The following SYK variants were observed in gnomAD, a reference collection of about 807,000 sequenced individuals.
SYK encodes spleen associated tyrosine kinase.
In SYK, 16 loss-of-function variants were observed where a neutral mutation model predicts 77.8. That is an observed-to-expected ratio of 0.21 (90% CI 0.14 to 0.31). The LOEUF is 0.31. Ranked by LOEUF, SYK falls within the 10% of genes least tolerant of loss-of-function variation. SYK has a pLI of 1.00. For missense variants in SYK, 529 were observed against 814.4 expected (o/e 0.65, Z 4.26); for synonymous variants, 312 against 308.7 (o/e 1.01, Z -0.11).
chr9:90,835,515 C>A (rs1826042325), intron 1 of SYK, among the ~76,000 whole-genome samples: 1 of 152,196 alleles, frequency 6.6e-6, no homozygotes, highest in Non-Finnish European at 1.5e-5. Flanking sequence ...CAAGAGCAAG[C>A]ATTTGCAGGT....
intron 11 of SYK, among the ~76,000 whole-genome samples, chr9:90,884,846 C>CACATATGTGTACATACACATAT (rs1828465765): frequency 6.6e-5 from 1 of 15,134 alleles, no homozygotes; most frequent in African/African-American, 6.7e-4. Context: ...TATACATATA[C>CACATATGTGTACATACACATAT]ACACATATGT....
At chr9:90,876,469 A>T (rs1381714411) in intron 9 of SYK, among the ~76,000 whole-genome samples, 4 of 152,196 alleles carry the variant, frequency 2.6e-5, no homozygotes, top group Non-Finnish European at 5.9e-5. Flanking sequence ...ACATATATAC[A>T]CACACAATCA....
rs572459570 is a variant in SYK at position 90,805,319 on chromosome 9, T to C, written c.-42+3426T>C. Among the ~76,000 whole-genome samples, 9 of 152,310 alleles carry C rather than the reference T, an allele frequency of 5.9e-5. No homozygotes were observed. The South Asian group carries it at 1.4e-3, about 25-fold the overall frequency. On this transcript the variant is annotated intron_variant, in intron 1 of 13. Transcript: ENST00000375754. ...CCTGGCTCTGAGCTGGAGAGGCGCT[T>C]CCAGTTACTGCTGTCCTGGAGCGCT...
At chr9:90,802,588 C>G (rs1325335396) in intron 1 of SYK, among the ~76,000 whole-genome samples, 1 of 151,930 alleles carries the variant, frequency 6.6e-6, no homozygotes, top group African/African-American at 2.4e-5. Flanking sequence ...GTCTGTTTGT[C>G]TGTTTTTGGC....
At chr9:90,841,388 A>AATGT in intron 1 of SYK, among the ~76,000 whole-genome samples, 11 of 58,978 alleles carry the variant, frequency 1.9e-4, no homozygotes, top group Non-Finnish European at 2.7e-4. Flanking sequence ...GTGTGTGTGT[A>AATGT]GTTTGTGTAT....
intron 7 of SYK, among the ~76,000 whole-genome samples, chr9:90,868,922 A>G (rs1196271426): frequency 6.6e-6 from 1 of 152,220 alleles, no homozygotes; most frequent in African/African-American, 2.4e-5. Context: ...AAAACAAATG[A>G]AATTGGTTAC....
chr9:90,802,908 A>T lies in SYK; in HGVS notation c.-42+1015A>T, dbSNP rs145296544. ...CCATTTAATCCCTAAGAGTTCCTGG[A>T]AGAAATGGAATTGATTCTACCATCT... On this transcript the variant is annotated intron_variant, in intron 1 of 13. Transcript: ENST00000375754. 3.3e-5 allele frequency among the ~76,000 whole-genome samples: 5 copies of T among 151,712 alleles called. 1 individual carries two copies. Among genetic ancestry groups the T allele is most frequent in the Non-Finnish European group, 7.4e-5 (5 of 67,886 alleles).
chr9:90,839,774 C>T (rs1227840067), intron 1 of SYK, among the ~76,000 whole-genome samples: 6 of 152,122 alleles, frequency 3.9e-5, no homozygotes, highest in East Asian at 1.9e-4. Context: ...ACACAAGCAT[C>T]GGGGCCAGGT....
intron 13 of SYK, among the ~76,000 whole-genome samples, chr9:90,891,197 G>A (rs1587929004): frequency 6.8e-6 from 1 of 148,108 alleles, no homozygotes; most frequent in African/African-American, 2.5e-5. Flanking sequence ...CCAGGCTGGA[G>A]TGCAGTGGCG....
At chr9:90,821,203 A>AC (rs1315485547) in intron 1 of SYK, among the ~76,000 whole-genome samples, 1 of 151,850 alleles carries the variant, frequency 6.6e-6, no homozygotes, top group Non-Finnish European at 1.5e-5. Context: ...CTTCTTCTGA[A>AC]CCCTCCAAAC....
Position 90,897,406 on chromosome 9 carries a change from A to G in SYK, c.*1806A>G, listed in dbSNP as rs1209408573. On this transcript the variant is annotated 3_prime_UTR_variant, in exon 14 of 14. Coordinates refer to ENST00000375754, the MANE Select transcript of SYK (RefSeq NM_003177.7). ...AAATTAGAAAGATCAATGACAAAAT[A>G]TCTGTCAGCCAGGCCACAAACAGGT... 4.3e-6 allele frequency: 1 copy of G among 231,942 alleles called. No individual in the cohort carries two copies. Among genetic ancestry groups the G allele is most frequent in the Non-Finnish European group, 8.5e-6 (1 of 117,226 alleles). The allele number at this position is 231,942 out of a possible 1,614,324, so 14.4% of individuals were successfully genotyped here.
intron 1 of SYK, among the ~76,000 whole-genome samples, chr9:90,813,154 A>G (rs889455621): frequency 6.6e-6 from 1 of 151,940 alleles, no homozygotes; most frequent in Admixed American, 6.6e-5. Flanking sequence ...TTTTCTCGTG[A>G]GAAGGACGTA....
chr9:90,803,822 A>G (rs978544306), intron 1 of SYK, among the ~76,000 whole-genome samples: 2 of 152,206 alleles, frequency 1.3e-5, no homozygotes, highest in East Asian at 1.9e-4. Flanking sequence ...GTAAACATAC[A>G]TGTTGACCCT....
intron 9 of SYK, among the ~76,000 whole-genome samples, chr9:90,875,391 A>G (rs1398819891): frequency 2.0e-5 from 3 of 151,870 alleles, no homozygotes; most frequent in African/African-American, 7.2e-5. Flanking sequence ...TAACAAAGCA[A>G]GGCCCTGTTT....
At chr9:90,879,344 A>G (rs1828061822) in intron 11 of SYK, among the ~76,000 whole-genome samples, 1 of 152,208 alleles carries the variant, frequency 6.6e-6, no homozygotes, top group Admixed American at 6.5e-5. Context: ...ATCTCAGTAG[A>G]GGGTTTACTG....
intron 1 of SYK, among the ~76,000 whole-genome samples, chr9:90,813,161 C>T (rs1208291678): frequency 6.6e-6 from 1 of 151,932 alleles, no homozygotes; most frequent in Admixed American, 6.6e-5. Flanking sequence ...GTGAGAAGGA[C>T]GTAAGCAATT....
intron 3 of SYK, among the ~76,000 whole-genome samples, chr9:90,853,026 AC>A (rs1283674715): frequency 1.3e-5 from 2 of 151,066 alleles, no homozygotes; most frequent in East Asian, 3.9e-4. Flanking sequence ...TATAGTCCCC[AC>A]CCCCACTTGT....
intron 9 of SYK, among the ~76,000 whole-genome samples, chr9:90,875,663 G>C (rs1377378017): frequency 6.6e-6 from 1 of 151,794 alleles, no homozygotes; most frequent in Non-Finnish European, 1.5e-5. Context: ...AATATGATTA[G>C]TATAATTATT....
At chr9:90,879,994 G>A (rs1828086993) in intron 11 of SYK, among the ~76,000 whole-genome samples, 1 of 152,216 alleles carries the variant, frequency 6.6e-6, no homozygotes, top group South Asian at 2.1e-4. Context: ...ACTGGAAAAC[G>A]TGATGGCACC....
Sources: allele counts gnomAD v4.1 joint callset (sites outside exome capture counted in the v4.1 genomes callset), GRCh38; gene constraint gnomAD v4.1.1; transcripts MANE v1.5; gene names NCBI Gene and HGNC (gene_info 2026-07-23, HGNC 2026-07-21).